The following BIN3 variants were observed in gnomAD, a reference collection of about 807,000 sequenced individuals.
The protein encoded by BIN3 is bridging integrator 3.
In BIN3, 41 loss-of-function variants were observed where a neutral mutation model predicts 38.2. The ratio of observed to expected loss-of-function variants is 1.07; its 90% CI spans 0.84 to 1.39. BIN3 has a LOEUF of 1.39. Ranked by LOEUF, BIN3 falls within the 40% of genes most tolerant of loss-of-function variation. The pLI is 0.00. For missense variants in BIN3, 361 were observed against 324.3 expected (o/e 1.11, Z -0.87); for synonymous variants, 145 against 122.6 (o/e 1.18, Z -1.21).
At chr8:22,625,889 G>A (rs1264523382) in intron 6 of BIN3, 1 of 155,154 alleles carries the variant, frequency 6.4e-6, no homozygotes, top group Admixed American at 6.2e-5. Context: ...TGGCCGGCCT[G>A]TTTTTAAAAA....
chr8:22,640,346 ATTT>A (rs1802508101), intron 2 of BIN3, among the ~76,000 whole-genome samples: 1 of 144,626 alleles, frequency 6.9e-6, no homozygotes, highest in South Asian at 2.3e-4. Flanking sequence ...CACCCGGCTA[ATTT>A]TTGAATTTTT....
chr8:22,629,497 G>A (rs1220399248), intron 6 of BIN3, among the ~76,000 whole-genome samples: 5 of 152,214 alleles, frequency 3.3e-5, no homozygotes, highest in Admixed American at 6.5e-5. Context: ...GCCAGACCCC[G>A]CTGCCACGCC....
At chr8:22,633,248 T>C (rs1376239835) in intron 4 of BIN3, among the ~76,000 whole-genome samples, 1 of 151,974 alleles carries the variant, frequency 6.6e-6, no homozygotes, top group African/African-American at 2.4e-5. Context: ...AGCAGGAGGA[T>C]CCCTTGAGCC....
intron 1 of BIN3, among the ~76,000 whole-genome samples, chr8:22,654,092 T>C (rs1304449874): frequency 6.6e-6 from 1 of 152,188 alleles, no homozygotes; most frequent in East Asian, 1.9e-4. Flanking sequence ...AATTCTGGGA[T>C]GTAAGGTGGG....
chr8:22,622,802 T>TC (rs1183584386), intron 8 of BIN3: 11 of 152,476 alleles, frequency 7.2e-5, no homozygotes, highest in African/African-American at 2.6e-4. Flanking sequence ...GAGGGAGCCC[T>TC]CGCTGCAGGA....
At chr8:22,649,850 C>CATAT (rs60254873) in intron 1 of BIN3, among the ~76,000 whole-genome samples, 2 of 120,610 alleles carry the variant, frequency 1.7e-5, no homozygotes, top group East Asian at 2.2e-4. Context: ...CACACACACA[C>CATAT]ACACACACCC....
Position 22,636,662 on chromosome 8 carries a change from G to A in BIN3, c.99-76C>T, listed in dbSNP as rs1199493222. 4.1e-6 allele frequency: 6 copies of A among 1,449,062 alleles called. No homozygotes were observed. In the Admixed American group the frequency reaches 1.2e-4, roughly 29 times the overall value. 89.8% of individuals were successfully genotyped at this position (1,449,062 alleles called of 1,614,324 possible). A position where few individuals can be genotyped will look rare whatever the true frequency, so the allele number is the denominator to read the frequency against. On this transcript the variant is annotated intron_variant, in intron 3 of 8. Coordinates refer to ENST00000276416, the MANE Select transcript of BIN3 (RefSeq NM_018688.6). ...GAGCGAAGCCCAGGTGCTCTGGAGG[G>A]CCTGCCAAGGAGGAGGAGAAAGGGA...
chr8:22,627,042 G>T (rs1802028229), intron 6 of BIN3, among the ~76,000 whole-genome samples: 2 of 152,194 alleles, frequency 1.3e-5, no homozygotes, highest in Admixed American at 1.3e-4. Flanking sequence ...AAGACCACCT[G>T]CCTCTGCAGG....
intron 6 of BIN3, among the ~76,000 whole-genome samples, chr8:22,627,448 C>T (rs1323452344): frequency 6.6e-6 from 1 of 152,210 alleles, no homozygotes; most frequent in Admixed American, 6.5e-5. Context: ...TGCCACGGTG[C>T]TGTGTGGGAT....
intron 5 of BIN3, 125 bp downstream of exon 5, chr8:22,630,317 C>A (rs557253327): frequency 1.5e-6 from 2 of 1,378,480 alleles, no homozygotes; most frequent in Admixed American, 2.2e-5. Flanking sequence ...TTGCAGCACA[C>A]GAGGCCAGAG....
At chr8:22,636,665 T>G in intron 3 of BIN3, 79 bp from the exon 4 acceptor site, 1 of 1,442,006 alleles carries the variant, frequency 6.9e-7, no homozygotes. Context: ...CTGGAGGGCC[T>G]GCCAAGGAGG....
intron 2 of BIN3, among the ~76,000 whole-genome samples, chr8:22,643,694 A>G (rs1802632701): frequency 6.6e-6 from 1 of 152,234 alleles, no homozygotes; most frequent in African/African-American, 2.4e-5. Context: ...GATGTGTGCC[A>G]AACTTCTCAC....
At chr8:22,634,509 T>C (rs575342244) in intron 4 of BIN3, 3 of 456,326 alleles carry the variant, frequency 6.6e-6, no homozygotes, top group East Asian at 1.4e-4. Context: ...CATCAGTAAC[T>C]GGCTGAGGCT....
intron 2 of BIN3, 110 bp from the exon 3 acceptor site, chr8:22,637,072 C>A: frequency 1.1e-6 from 1 of 940,906 alleles, no homozygotes; most frequent in South Asian, 1.4e-5. Flanking sequence ...CAGAAAACAA[C>A]ATGGTCCAGT....
chr8:22,667,918 C>G (rs186474731), intron 1 of BIN3, among the ~76,000 whole-genome samples: 1 of 152,342 alleles, frequency 6.6e-6, no homozygotes, highest in Non-Finnish European at 1.5e-5. Flanking sequence ...CAAAATTAAG[C>G]TTCAAAAGCC....
At chr8:22,624,890 G>A (rs1431076662) in intron 6 of BIN3, 2 of 218,628 alleles carry the variant, frequency 9.1e-6, no homozygotes, top group South Asian at 1.0e-4. Flanking sequence ...AGAGAACACA[G>A]GTGTCCACAT....
At chr8:22,621,623 A>T in intron 8 of BIN3, 55 bp from the exon 9 acceptor site, 1 of 1,544,316 alleles carries the variant, frequency 6.5e-7, no homozygotes, top group Non-Finnish European at 8.9e-7. Flanking sequence ...CGTGTGCTTC[A>T]GGGGGCCAGA....
chr8:22,647,147 T>G (rs1227486234), intron 1 of BIN3, among the ~76,000 whole-genome samples: 1 of 152,198 alleles, frequency 6.6e-6, no homozygotes, highest in East Asian at 1.9e-4. Context: ...AATTCTAAAC[T>G]GAATCTCCAC....
intron 1 of BIN3, among the ~76,000 whole-genome samples, chr8:22,668,761 C>T (rs975418127): frequency 2.6e-5 from 4 of 152,198 alleles, no homozygotes; most frequent in Non-Finnish European, 5.9e-5. Flanking sequence ...ACAAGGAAGT[C>T]CCTCACTTCA....
Sources: gnomAD v4.1 joint callset for allele counts (sites outside exome capture counted in the v4.1 genomes callset) on GRCh38, gnomAD v4.1.1 for gene constraint, MANE v1.5 for transcripts, NCBI Gene and HGNC (gene_info 2026-07-23, HGNC 2026-07-21) for gene names.